Variants in GRIP1 observed in about 807,000 individuals in gnomAD.
The protein encoded by GRIP1 is glutamate receptor interacting protein 1.
In GRIP1, 45 loss-of-function variants were observed where a neutral mutation model predicts 129.9. That is an observed-to-expected ratio of 0.35 (90% confidence interval 0.27 to 0.44). The LOEUF is 0.44. GRIP1 is among the 20% of genes least tolerant of loss of function. GRIP1 has a pLI of 1.00. For missense variants in GRIP1, 1,196 were observed against 1,396.8 expected (o/e 0.86, Z 2.29); for synonymous variants, 530 against 520.8 (o/e 1.02, Z -0.24).
Position 66,766,031 on chromosome 12 carries a change from T to C in GRIP1, c.-420+38022A>G, listed in dbSNP as rs140693874. ...TTTCTACACCCATGATCCATCCTCC[T>C]CCAGGACTCACTACACTGTGGCTCT... is the stretch of plus-strand genomic sequence containing the variant. On this transcript the variant is annotated intron_variant, in intron 1 of 4. Transcript: ENST00000538373. Among the ~76,000 whole-genome samples, 67 of 152,284 alleles carry C rather than the reference T, an allele frequency of 4.4e-4. 1 individual carries two copies. The East Asian group carries it at 0.012, about 28-fold the overall frequency.
intron 23 of GRIP1, among the ~76,000 whole-genome samples, chr12:66,355,513 G>A (rs2054445681): frequency 6.6e-6 from 1 of 152,134 alleles, no homozygotes; most frequent in Admixed American, 6.6e-5. Context: ...GGGTGTGTGG[G>A]GTTATGTGTG....
At chr12:67,056,813 G>GT (rs747851130) in intron 1 of GRIP1, among the ~76,000 whole-genome samples, 2 of 151,888 alleles carry the variant, frequency 1.3e-5, no homozygotes, top group African/African-American at 2.4e-5. Flanking sequence ...GTTTTGTTTT[G>GT]TTTGTTTGTT....
At chr12:66,950,159 T>A (rs2041734644) in intron 1 of GRIP1, among the ~76,000 whole-genome samples, 1 of 152,182 alleles carries the variant, frequency 6.6e-6, no homozygotes, top group Admixed American at 6.5e-5. Flanking sequence ...AACTTTGTGA[T>A]CTCCCTGACT....
At chr12:66,819,246 T>G (rs1431222503) in intron 1 of GRIP1, among the ~76,000 whole-genome samples, 2 of 152,172 alleles carry the variant, frequency 1.3e-5, no homozygotes, top group Non-Finnish European at 2.9e-5. Context: ...TTCAATCCTT[T>G]CAGCTAATAA....
At chr12:66,752,083 T>C (rs923177674) in intron 1 of GRIP1, among the ~76,000 whole-genome samples, 1 of 152,160 alleles carries the variant, frequency 6.6e-6, no homozygotes, top group Non-Finnish European at 1.5e-5. Context: ...AAATCATTCA[T>C]GAAAATGCTT....
intron 16 of GRIP1, among the ~76,000 whole-genome samples, chr12:66,404,211 A>G (rs996571319): frequency 6.6e-6 from 1 of 152,260 alleles, no homozygotes; most frequent in Non-Finnish European, 1.5e-5. Context: ...GTTATAAAAT[A>G]TATTTGGATA....
At chr12:66,432,518 A>AAGGC in intron 14 of GRIP1, 30 bp downstream of exon 14, 1 of 1,336,486 alleles carries the variant, frequency 7.5e-7, no homozygotes, top group South Asian at 1.2e-5. Context: ...TGCCTTTAAA[A>AAGGC]ATTATTTAAA....
chr12:66,733,638 G>A (rs2036508100), intron 1 of GRIP1, among the ~76,000 whole-genome samples: 1 of 152,078 alleles, frequency 6.6e-6, no homozygotes, highest in South Asian at 2.1e-4. Context: ...CCACCAACCT[G>A]TAAAATTCTC....
intron 5 of GRIP1, among the ~76,000 whole-genome samples, chr12:66,525,118 C>T (rs1473625597): frequency 2.0e-5 from 3 of 152,170 alleles, no homozygotes; most frequent in Non-Finnish European, 4.4e-5. Flanking sequence ...GGAGCTGGTG[C>T]CATTCCTTCT....
intron 1 of GRIP1, among the ~76,000 whole-genome samples, chr12:66,801,629 G>A (rs1222312444): frequency 6.6e-6 from 1 of 152,050 alleles, no homozygotes; most frequent in South Asian, 2.1e-4. Flanking sequence ...TGTACTACAG[G>A]GAGGACAGAC....
chr12:66,920,573 G>A (rs2041195967), intron 1 of GRIP1, among the ~76,000 whole-genome samples: 1 of 152,164 alleles, frequency 6.6e-6, no homozygotes, highest in South Asian at 2.1e-4. Flanking sequence ...AGGAACCCAA[G>A]AACTAAGGGG....
intron 1 of GRIP1, among the ~76,000 whole-genome samples, chr12:66,677,686 T>A (rs944719026): frequency 5.3e-5 from 8 of 152,184 alleles, no homozygotes; most frequent in Admixed American, 2.6e-4. Flanking sequence ...TGCAAATGCA[T>A]TCGGTAAGTT....
At chr12:67,000,276 A>G (rs978868423) in intron 1 of GRIP1, among the ~76,000 whole-genome samples, 1 of 152,204 alleles carries the variant, frequency 6.6e-6, no homozygotes, top group African/African-American at 2.4e-5. Context: ...CATAATATCT[A>G]GGACCATATC....
chr12:67,043,977 A>G (rs2043216657), intron 1 of GRIP1, among the ~76,000 whole-genome samples: 2 of 152,168 alleles, frequency 1.3e-5, no homozygotes, highest in African/African-American at 4.8e-5. Context: ...CTGAACTGAA[A>G]TATCTAGGGC....
In GRIP1 at chr12:66,442,709, AT is replaced by A. The variant is rs111924617; in HGVS notation, c.1687+1874del. ...ACCATGCCAGGCTAATTTAAAAAAAATTTTTTTTTTAAGAGATGAGGTCTCC... is the reference window on the plus strand; with the variant it reads ...ACCATGCCAGGCTAATTTAAAAAAAATTTTTTTTTAAGAGATGAGGTCTCC... On this transcript the variant is annotated intron_variant, in intron 13 of 24. Transcript: ENST00000359742. Among the ~76,000 whole-genome samples, 39 of 149,570 alleles carry A rather than the reference AT, an allele frequency of 2.6e-4. No individual in the cohort carries two copies. In the East Asian group the frequency reaches 2.8e-3, roughly 11 times the overall value.
intron 1 of GRIP1, among the ~76,000 whole-genome samples, chr12:67,040,223 C>T (rs994907868): frequency 3.9e-5 from 5 of 129,392 alleles, no homozygotes; most frequent in African/African-American, 1.3e-4. Context: ...ACCCCCACCC[C>T]CCCAGCAAAG....
At chr12:66,423,099 T>A (rs2137861829) in intron 14 of GRIP1, among the ~76,000 whole-genome samples, 1 of 152,308 alleles carries the variant, frequency 6.6e-6, no homozygotes, top group African/African-American at 2.4e-5. Flanking sequence ...TGGCTTCTTT[T>A]AAAAAAATAG....
At chr12:66,659,546 G>A (rs1387152456) in intron 1 of GRIP1, among the ~76,000 whole-genome samples, 1 of 152,214 alleles carries the variant, frequency 6.6e-6, no homozygotes, top group Non-Finnish European at 1.5e-5. Context: ...CCTTGAGGAT[G>A]TGAATGTTAA....
At chr12:66,577,562 G>A (rs369808866) in intron 2 of GRIP1, among the ~76,000 whole-genome samples, 1 of 152,150 alleles carries the variant, frequency 6.6e-6, no homozygotes, top group Non-Finnish European at 1.5e-5. Flanking sequence ...TCCTAAGGCA[G>A]GTGATGAAAG....
Sources: gnomAD v4.1 joint callset for allele counts (sites outside exome capture counted in the v4.1 genomes callset) on GRCh38, gnomAD v4.1.1 for gene constraint, MANE v1.5 for transcripts, NCBI Gene and HGNC (gene_info 2026-07-23, HGNC 2026-07-21) for gene names.